DCC: variants seen among roughly 807,000 people sequenced by gnomAD.
DCC encodes netrin receptor DCC.
In DCC, 58 loss-of-function variants were observed where a neutral mutation model predicts 172.5. The ratio of observed to expected loss-of-function variants is 0.34; its 90% confidence interval spans 0.27 to 0.42. The LOEUF (loss-of-function observed/expected upper bound fraction) is 0.42. DCC is among the 10% of genes least tolerant of loss of function. The pLI, the probability that DCC is intolerant of heterozygous loss-of-function variation, is 1.00. For synonymous variants in DCC, 709 were observed against 644.5 expected (o/e 1.10, Z -1.52); for missense variants, 1,740 against 1,791.0 (o/e 0.97, Z 0.51).
chr18:53,296,529 G>A (rs543011204), intron 12 of DCC, among the ~76,000 whole-genome samples: 71 of 152,296 alleles, frequency 4.7e-4, no homozygotes, highest in African/African-American at 1.6e-3. Context: ...GACCAGAAAG[G>A]TAACTGAGAT....
intron 2 of DCC, among the ~76,000 whole-genome samples, chr18:52,814,760 G>A (rs925445558): frequency 2.6e-5 from 4 of 152,134 alleles, no homozygotes; most frequent in Non-Finnish European, 4.4e-5. Context: ...GATGGGAAAT[G>A]CATAGATTTT....
intron 5 of DCC, among the ~76,000 whole-genome samples, chr18:52,985,117 G>A (rs917334129): frequency 4.6e-5 from 7 of 151,880 alleles, no homozygotes; most frequent in East Asian, 1.9e-4. Flanking sequence ...GCTCTACCAC[G>A]TAACTGTCAT....
chr18:52,515,403 C>T (rs577108702), intron 1 of DCC, among the ~76,000 whole-genome samples: 18 of 151,528 alleles, frequency 1.2e-4, no homozygotes, highest in African/African-American at 3.6e-4. Context: ...GTCAAGAGAT[C>T]GAGACCATCC....
intron 1 of DCC, among the ~76,000 whole-genome samples, chr18:52,527,047 T>C (rs2096914099): frequency 6.6e-6 from 1 of 152,228 alleles, no homozygotes; most frequent in African/African-American, 2.4e-5. Flanking sequence ...GTAAAACTGA[T>C]GCACAGGGAT....
intron 12 of DCC, among the ~76,000 whole-genome samples, chr18:53,293,077 G>A (rs1355100357): frequency 3.3e-5 from 5 of 152,216 alleles, no homozygotes; most frequent in East Asian, 1.9e-4. Flanking sequence ...CTTTCTCATC[G>A]ATCACCTCTC....
chr18:53,229,879 A>G (rs950489321), intron 12 of DCC, among the ~76,000 whole-genome samples: 3 of 152,150 alleles, frequency 2.0e-5, no homozygotes, highest in African/African-American at 4.8e-5. Context: ...TTTAGCATGA[A>G]CACATACATC....
chr18:52,987,360 G>A (rs1448238623), intron 5 of DCC, among the ~76,000 whole-genome samples: 1 of 152,108 alleles, frequency 6.6e-6, no homozygotes, highest in Admixed American at 6.6e-5. Context: ...ATGCCAAAAT[G>A]CAAAGCACTG....
intron 1 of DCC, among the ~76,000 whole-genome samples, chr18:52,569,082 T>C (rs1464693967): frequency 1.3e-5 from 2 of 152,214 alleles, no homozygotes. Flanking sequence ...CATTGATAAG[T>C]CTGTGTAATA....
chr18:52,778,236 C>T (rs2037469179), intron 2 of DCC, among the ~76,000 whole-genome samples: 2 of 152,122 alleles, frequency 1.3e-5, no homozygotes, highest in Non-Finnish European at 2.9e-5. Context: ...CTATTGTATG[C>T]AAGTTTATTT....
chr18:52,609,492 CT>C (rs531964295), intron 1 of DCC, among the ~76,000 whole-genome samples: 2 of 151,920 alleles, frequency 1.3e-5, no homozygotes, highest in Non-Finnish European at 2.9e-5. Context: ...TGGATTGGGT[CT>C]GGGGCAGGCA....
chr18:53,217,491 A>C (rs1445877191), intron 12 of DCC, among the ~76,000 whole-genome samples: 2 of 152,154 alleles, frequency 1.3e-5, no homozygotes, highest in Non-Finnish European at 2.9e-5. Context: ...TACTATGCCC[A>C]GGCACTGGAA....
chr18:52,438,352 T>C (rs1178443797), intron 1 of DCC, among the ~76,000 whole-genome samples: 1 of 152,190 alleles, frequency 6.6e-6, no homozygotes, highest in East Asian at 1.9e-4. Context: ...ACTATTTCTC[T>C]ATGTGGTGTT....
intron 12 of DCC, among the ~76,000 whole-genome samples, chr18:53,234,340 A>G (rs1248903735): frequency 6.6e-6 from 1 of 152,104 alleles, no homozygotes; most frequent in Non-Finnish European, 1.5e-5. Context: ...GAGCCAGGAG[A>G]ATCGCTTGAA....
chr18:52,916,536 T>A (rs900954708), intron 3 of DCC, among the ~76,000 whole-genome samples: 1 of 152,192 alleles, frequency 6.6e-6, no homozygotes, highest in East Asian at 1.9e-4. Flanking sequence ...TCTAATACAA[T>A]GTACCAATCC....
chr18:53,384,592 T>A (rs1908001457), intron 15 of DCC, among the ~76,000 whole-genome samples: 4 of 152,098 alleles, frequency 2.6e-5, no homozygotes, highest in Admixed American at 2.6e-4. Flanking sequence ...TGTCTAAAAT[T>A]TTTTAATTTA....
intron 27 of DCC, 24 bp from the exon 28 acceptor site, chr18:53,526,593 T>G: frequency 1.9e-6 from 3 of 1,612,514 alleles, no homozygotes; most frequent in Non-Finnish European, 1.7e-6. Flanking sequence ...TACATTACTT[T>G]CATCACTGTG....
chr18:53,523,821 G>T (rs1238800904), intron 27 of DCC, among the ~76,000 whole-genome samples: 1 of 152,054 alleles, frequency 6.6e-6, no homozygotes, highest in East Asian at 1.9e-4. Context: ...GTTGATGGGT[G>T]CAGCAAACCA....
intron 11 of DCC, among the ~76,000 whole-genome samples, 189 bp from the exon 12 acceptor site, chr18:53,215,358 GA>G (rs142466329): frequency 1.0e-4 from 15 of 148,666 alleles, no homozygotes; most frequent in East Asian, 5.9e-4. Flanking sequence ...AGCGAAATGA[GA>G]AAAAAAAAAT....
At chr18:52,990,105 T>C (rs2041360194) in intron 5 of DCC, among the ~76,000 whole-genome samples, 1 of 152,072 alleles carries the variant, frequency 6.6e-6, no homozygotes, top group Admixed American at 6.6e-5. Flanking sequence ...AGCTGAGATG[T>C]TACCTTATTC....
Sources: allele counts gnomAD v4.1 joint callset (sites outside exome capture counted in the v4.1 genomes callset), GRCh38; gene constraint gnomAD v4.1.1; transcripts MANE v1.5; gene names NCBI Gene and HGNC (gene_info 2026-07-23, HGNC 2026-07-21).